The following DNAH3 variants were observed in gnomAD, a reference collection of about 807,000 sequenced individuals.
DNAH3 encodes dynein axonemal heavy chain 3.
DNAH3 carries 332 observed loss-of-function variants against 432.5 expected under a neutral mutation model. The ratio of observed to expected loss-of-function variants is 0.77; its 90% CI spans 0.70 to 0.84. DNAH3 has a LOEUF of 0.84. DNAH3 is among the 40% of genes least tolerant of loss of function. The pLI, the probability that DNAH3 is intolerant of heterozygous loss-of-function variation, is 0.00. For missense variants in DNAH3, 4,861 were observed against 5,114.0 expected, an observed-to-expected ratio of 0.95 and a Z score of 1.51; for synonymous variants, 1,956 against 1,900.2, an observed-to-expected ratio of 1.03 and a Z score of -0.76.
chr16:20,995,538 T>C (rs188615462), intron 44 of DNAH3, among the ~76,000 whole-genome samples: 2 of 152,302 alleles, frequency 1.3e-5, no homozygotes, highest in African/African-American at 4.8e-5. Context: ...GTTGAGATTA[T>C]AGGCATGAGC....
chr16:21,010,428 A>G (rs1188469716), intron 41 of DNAH3, among the ~76,000 whole-genome samples: 1 of 152,220 alleles, frequency 6.6e-6, no homozygotes, highest in Non-Finnish European at 1.5e-5. Context: ...AGGTCACACA[A>G]TGAATGAGTG....
At chr16:21,039,542 A>T (rs1339111680) in intron 33 of DNAH3, among the ~76,000 whole-genome samples, 1 of 150,870 alleles carries the variant, frequency 6.6e-6, no homozygotes, top group Non-Finnish European at 1.5e-5. Flanking sequence ...GCCTTAAGCC[A>T]TTTAGTAATG....
exon 3 of DNAH3, chr16:21,145,198 T>C (rs2092767510): frequency 6.2e-7 from 1 of 1,612,132 alleles, no homozygotes; most frequent in South Asian, 1.1e-5. Context: ...TGGCAGCCCC[T>C]GACCGGTCCT....
chr16:21,003,152 C>G (rs2087113061), exon 42 of DNAH3: 1 of 1,612,764 alleles, frequency 6.2e-7, no homozygotes, highest in African/African-American at 1.3e-5. Flanking sequence ...TATACTGTGT[C>G]CACGTTTCCC....
exon 62 of DNAH3, chr16:20,933,352 C>T: frequency 1.2e-6 from 2 of 1,614,194 alleles, no homozygotes; most frequent in Non-Finnish European, 1.7e-6. Context: ...CCCCAGGTTT[C>T]AGCCAAATGA....
exon 53 of DNAH3, chr16:20,965,364 C>T (rs778471281): frequency 3.2e-6 from 5 of 1,548,906 alleles, no homozygotes; most frequent in Non-Finnish European, 4.4e-6. Context: ...TAAGACTCTC[C>T]AAGAATTTCA....
At position 21,016,106 on chromosome 16, in the gene DNAH3, T is replaced by G. The variant is rs1407316360; in HGVS notation, c.6022+3518A>C. 2.0e-5 allele frequency among the ~76,000 whole-genome samples: 3 copies of G among 152,182 alleles called. No homozygotes were observed. In the East Asian group the frequency reaches 5.8e-4, roughly 29 times the overall value. ...GCCTGGCCGAGATATGATTTTCATA[T>G]TTCAAATTGCTTGAGATTTTGAAAA... On this transcript the variant is annotated intron_variant, in intron 41 of 61. Transcript: ENST00000261383.
intron 24 of DNAH3, among the ~76,000 whole-genome samples, chr16:21,065,983 C>T (rs1415886632): frequency 1.3e-5 from 2 of 151,988 alleles, no homozygotes; most frequent in Non-Finnish European, 2.9e-5. Flanking sequence ...CCCCCCACCA[C>T]ACCTGGCTAA....
At chr16:21,156,693 G>A (rs577463110) in intron 1 of DNAH3, among the ~76,000 whole-genome samples, 7 of 152,202 alleles carry the variant, frequency 4.6e-5, no homozygotes, top group South Asian at 2.1e-4. Context: ...GAGAGGCTGC[G>A]CGTGGATTTT....
chr16:21,105,329 T>C (rs2091922186), intron 15 of DNAH3, among the ~76,000 whole-genome samples: 1 of 152,220 alleles, frequency 6.6e-6, no homozygotes, highest in South Asian at 2.1e-4. Flanking sequence ...TATTAACTTT[T>C]CCTTCAGAAT....
chr16:21,051,587 G>A (rs2089956104), intron 29 of DNAH3, 83 bp downstream of exon 29: 6 of 1,398,626 alleles, frequency 4.3e-6, no homozygotes, highest in Non-Finnish European at 6.0e-6. Context: ...GGTAACCCAA[G>A]ACATCCCTAA....
At chr16:20,949,058 T>C (rs2084189788) in intron 56 of DNAH3, among the ~76,000 whole-genome samples, 3 of 151,874 alleles carry the variant, frequency 2.0e-5, no homozygotes. Context: ...TCTTCGGCAA[T>C]AAAATCCCCC....
chr16:21,073,544 C>G (rs983528991), intron 21 of DNAH3, among the ~76,000 whole-genome samples: 1 of 152,014 alleles, frequency 6.6e-6, no homozygotes, highest in African/African-American at 2.4e-5. Flanking sequence ...GAACATGATA[C>G]CCCGAAGCAT....
intron 12 of DNAH3, among the ~76,000 whole-genome samples, 196 bp downstream of exon 12, chr16:21,117,007 T>C (rs1229157252): frequency 6.6e-6 from 1 of 152,236 alleles, no homozygotes; most frequent in Non-Finnish European, 1.5e-5. Flanking sequence ...AACTATTTGC[T>C]ATGTAACACT....
At position 20,959,256 on chromosome 16, in the gene DNAH3, C is replaced by CA. The variant is rs751309838; in HGVS notation, c.10748dup (p.Ala3584GlyfsTer13). On this transcript the variant is annotated frameshift_variant, in exon 54 of 62. Coordinates refer to ENST00000261383, the Ensembl canonical transcript of DNAH3. LOFTEE classifies it high-confidence loss of function. The stretch of plus-strand genomic sequence containing the variant: ...CCAGGGTAGGCATCCAGCTTGCGGC[C>CA]AGGTGGCAGTTCTGTAAGACCACCC... 1 of 1,614,188 alleles carries CA rather than the reference C, an allele frequency of 6.2e-7. No individual in the cohort carries two copies. The highest frequency in any genetic ancestry group is 1.1e-5 in the South Asian group (1 of 91,084).
intron 28 of DNAH3, 144 bp from the exon 29 acceptor site, chr16:21,052,012 G>A (rs551342360): frequency 1.0e-5 from 7 of 673,036 alleles, no homozygotes; most frequent in East Asian, 2.9e-5. Flanking sequence ...TATTTTTTGC[G>A]ATGGAGTCTC....
chr16:21,037,327 A>C (rs900954462), intron 34 of DNAH3, among the ~76,000 whole-genome samples: 1 of 152,090 alleles, frequency 6.6e-6, no homozygotes, highest in Non-Finnish European at 1.5e-5. Context: ...AAACAAAAAC[A>C]AAAAAACCGT....
intron 14 of DNAH3, among the ~76,000 whole-genome samples, chr16:21,108,750 T>A (rs1057179951): frequency 6.7e-6 from 1 of 150,226 alleles, no homozygotes; most frequent in African/African-American, 2.5e-5. Flanking sequence ...CTCAATTTTT[T>A]AAAAAGTGTC....
chr16:20,984,610 C>T (rs930945494), intron 48 of DNAH3, among the ~76,000 whole-genome samples: 2 of 152,156 alleles, frequency 1.3e-5, no homozygotes, highest in Non-Finnish European at 2.9e-5. Context: ...TGGCTTATGC[C>T]TGTAATCCCA....
Sources: allele counts gnomAD v4.1 joint callset (sites outside exome capture counted in the v4.1 genomes callset), GRCh38; gene constraint gnomAD v4.1.1; transcripts MANE v1.5; gene names NCBI Gene and HGNC (gene_info 2026-07-23, HGNC 2026-07-21).